CBL: variants seen among roughly 807,000 people sequenced by gnomAD.
CBL encodes Cbl proto-oncogene, also known as E3 ubiquitin-protein ligase CBL.
CBL carries 45 observed loss-of-function variants against 96.9 expected under a neutral mutation model. The observed-to-expected ratio is 0.46, with a 90% CI of 0.37 to 0.60. The LOEUF (loss-of-function observed/expected upper bound fraction) is 0.60, where lower values mean the gene tolerates loss of function less well. CBL is among the 20% of genes least tolerant of loss of function. The pLI, the probability that CBL is intolerant of heterozygous loss-of-function variation, is 0.00. For synonymous variants in CBL, 420 were observed against 426.8 expected (o/e 0.98, Z 0.20); for missense variants, 1,024 against 1,143.5 (o/e 0.90, Z 1.51).
rs869150071 is a variant in CBL, at chr11:119,270,436, A to ATTTTTTTTTT, written c.444-1280_444-1271dup. ...AATTTTTATATATATATATATATAT[A>ATTTTTTTTTT]TTTTTTTTTTTTTTTTTTTTTTTTT... On this transcript the variant is annotated intron_variant, in intron 2 of 15. Transcript: ENST00000264033. 1.3e-4 allele frequency among the ~76,000 whole-genome samples: 5 copies of ATTTTTTTTTT among 38,660 alleles called. 1 individual carries two copies. Among genetic ancestry groups the ATTTTTTTTTT allele is most frequent in the Non-Finnish European group, 2.2e-4 (5 of 23,034 alleles). 25.4% of individuals were successfully genotyped at this position (38,660 alleles called of 152,430 possible).
In CBL at chr11:119,299,562, A is replaced by T. The variant is rs1950085952; in HGVS notation, c.2502A>T (p.Glu834Asp). 6.2e-7 allele frequency: 1 copy of T among 1,614,112 alleles called. No homozygotes were observed. ...PKPFPRRINS[E>D]RKAGSCQQGS... ...CATTCCCGCGGAGAATCAACTCTGAACGGAAAGCTGGCAGCTGTCAGCAAG... is the reference window on the plus strand; with the variant it reads ...CATTCCCGCGGAGAATCAACTCTGATCGGAAAGCTGGCAGCTGTCAGCAAG... The change falls in exon 16 of 16, where the codon GAA becomes GAT. Residue 834 changes from glutamate (E) to aspartate (D), a missense_variant. Physicochemically the swap from Glu to Asp is conservative, Grantham distance 45. Transcript: ENST00000264033.
intron 1 of CBL, among the ~76,000 whole-genome samples, chr11:119,227,411 T>C (rs540365809): frequency 6.6e-6 from 1 of 152,338 alleles, no homozygotes; most frequent in East Asian, 1.9e-4. Flanking sequence ...CTTTTTGGGC[T>C]ACTCTTCTGC....
intron 2 of CBL, among the ~76,000 whole-genome samples, chr11:119,270,763 T>C (rs1055041285): frequency 5.3e-5 from 8 of 152,092 alleles, no homozygotes; most frequent in African/African-American, 1.9e-4. Context: ...TATTTTTTAG[T>C]AGAGACAGGG....
Position 119,255,958 on chromosome 11 carries a change from C to T in CBL, c.444-15777C>T, listed in dbSNP as rs1488843556. Among the ~76,000 whole-genome samples, 4 of 151,444 alleles carry T rather than the reference C, an allele frequency of 2.6e-5. No homozygotes were observed. The East Asian group carries it at 7.7e-4, about 29-fold the overall frequency. On this transcript the variant is annotated intron_variant, in intron 2 of 15. Transcript: ENST00000264033. ...CTGTGTTGCCCAGGCTGGTCTTGAA[C>T]TCCTGGTCTCAAGCAGTCCTCCTGC...
chr11:119,294,909 C>T (rs941699187), intron 12 of CBL, among the ~76,000 whole-genome samples: 5 of 151,968 alleles, frequency 3.3e-5, no homozygotes, highest in Non-Finnish European at 7.4e-5. Context: ...TGCCATTCTT[C>T]CTTGTATGAA....
chr11:119,219,250 G>T lies in CBL; in HGVS notation c.195+12638G>T, dbSNP rs1949388332. 4.0e-5 allele frequency among the ~76,000 whole-genome samples: 6 copies of T among 151,780 alleles called. No individual in the cohort carries two copies. In the South Asian group the frequency reaches 1.2e-3, roughly 32 times the overall value. ...AAAAATTAGCCAGGTATGGAGGCGG[G>T]CTCCTGTAATCCCATCTACGTGGGA... On this transcript the variant is annotated intron_variant, in intron 1 of 15. Coordinates refer to ENST00000264033, the MANE Select transcript of CBL (RefSeq NM_005188.4).
chr11:119,223,438 A>ACC (rs1949427547), intron 1 of CBL, among the ~76,000 whole-genome samples: 1 of 148,866 alleles, frequency 6.7e-6, no homozygotes, highest in Non-Finnish European at 1.5e-5. Context: ...ATGTTATGTT[A>ACC]TTTTATTTTA....
intron 2 of CBL, among the ~76,000 whole-genome samples, chr11:119,266,029 AAAAAAAG>A (rs1433923930): frequency 1.3e-5 from 2 of 150,326 alleles, no homozygotes; most frequent in Middle Eastern, 3.2e-3. Context: ...AAAAAAAAAA[AAAAAAAG>A]AAAGAAAGAA....
At chr11:119,264,381 CTTT>C (rs1949779515) in intron 2 of CBL, among the ~76,000 whole-genome samples, 1 of 138,444 alleles carries the variant, frequency 7.2e-6, no homozygotes, top group African/African-American at 2.7e-5. Flanking sequence ...TATGATCTTT[CTTT>C]TCTTTTCTCT....
chr11:119,300,660 A>G lies in CBL; in HGVS notation c.*879A>G, dbSNP rs1950095398. The G allele has an allele frequency of 2.5e-6, 1 of 398,638 alleles. No individual in the cohort carries two copies. The highest frequency in any genetic ancestry group is 3.6e-5 in the East Asian group (1 of 28,082). 24.7% of individuals were successfully genotyped at this position (398,638 alleles called of 1,614,324 possible). A position where few individuals can be genotyped will look rare whatever the true frequency, so the allele number is the denominator to read the frequency against. Reference sequence around the variant, plus strand: ...TTAAGATGTTTTGATTATCCTAATTACATAATGACCGATTTGAGATAGAGG... The same window carrying G: ...TTAAGATGTTTTGATTATCCTAATTGCATAATGACCGATTTGAGATAGAGG... On this transcript the variant is annotated 3_prime_UTR_variant, in exon 16 of 16. Coordinates refer to ENST00000264033, the MANE Select transcript of CBL (RefSeq NM_005188.4).
chr11:119,239,171 G>C (rs1326021377), intron 2 of CBL, among the ~76,000 whole-genome samples: 1 of 151,890 alleles, frequency 6.6e-6, no homozygotes, highest in East Asian at 1.9e-4. Context: ...AGGTTTCGTC[G>C]TGTTGCCCAT....
At chr11:119,217,763 ATACT>A (rs1328226837) in intron 1 of CBL, among the ~76,000 whole-genome samples, 2 of 152,060 alleles carry the variant, frequency 1.3e-5, no homozygotes, top group African/African-American at 4.8e-5. Flanking sequence ...TATGAAGGTA[ATACT>A]TACTTTAAAA....
intron 1 of CBL, among the ~76,000 whole-genome samples, chr11:119,224,618 G>T (rs2135259921): frequency 6.6e-6 from 1 of 152,252 alleles, no homozygotes; most frequent in South Asian, 2.1e-4. Context: ...TTGAGATGGA[G>T]TCTTGCTCTG....
At chr11:119,264,195 C>T (rs1323231180) in intron 2 of CBL, among the ~76,000 whole-genome samples, 1 of 152,048 alleles carries the variant, frequency 6.6e-6, no homozygotes, top group Non-Finnish European at 1.5e-5. Context: ...ATACACTTAC[C>T]TGTAAATTAT....
intron 2 of CBL, among the ~76,000 whole-genome samples, chr11:119,249,551 C>A (rs74496888): frequency 0.021 from 2,369 of 114,812 alleles, no homozygotes; most frequent in Admixed American, 0.024. Flanking sequence ...GACTCGGTCT[C>A]AAAAAAAAAA....
chr11:119,288,554 A>G (rs1224542747), intron 12 of CBL, among the ~76,000 whole-genome samples: 4 of 152,070 alleles, frequency 2.6e-5, no homozygotes, highest in African/African-American at 9.7e-5. Context: ...GGGTCCTCCT[A>G]TTCTTATGAC....
intron 12 of CBL, among the ~76,000 whole-genome samples, chr11:119,288,347 A>G (rs1029834840): frequency 2.0e-5 from 3 of 152,178 alleles, no homozygotes; most frequent in Admixed American, 2.0e-4. Flanking sequence ...AATAGCAGAA[A>G]TTTATTTTCC....
intron 2 of CBL, among the ~76,000 whole-genome samples, chr11:119,240,656 C>G (rs1435320120): frequency 3.3e-5 from 5 of 152,160 alleles, no homozygotes; most frequent in Admixed American, 3.3e-4. Context: ...AGTTGCAGAC[C>G]TCTAGACTAA....
chr11:119,266,314 T>C (rs745870108), intron 2 of CBL, among the ~76,000 whole-genome samples: 28 of 152,214 alleles, frequency 1.8e-4, no homozygotes, highest in Non-Finnish European at 3.1e-4. Flanking sequence ...CAAAATAGTT[T>C]CAGAGATTTT....
Sources: allele counts gnomAD v4.1 joint callset (sites outside exome capture counted in the v4.1 genomes callset), GRCh38; gene constraint gnomAD v4.1.1; transcripts MANE v1.5; gene names NCBI Gene and HGNC (gene_info 2026-07-23, HGNC 2026-07-21).